TMTC1: variants seen among roughly 807,000 people sequenced by gnomAD.
TMTC1 encodes the protein protein O-mannosyl-transferase TMTC1.
Under a neutral mutation model 104.8 loss-of-function variants are expected in TMTC1, and 73 were observed. The observed-to-expected ratio is 0.70, with a 90% CI of 0.58 to 0.85. TMTC1 has a LOEUF of 0.85. TMTC1 is among the 40% of genes least tolerant of loss of function. TMTC1 has a pLI of 0.00. For missense variants in TMTC1, 1,035 were observed against 1,096.1 expected, an observed-to-expected ratio of 0.94 and a Z score of 0.79; for synonymous variants, 434 against 428.7, an observed-to-expected ratio of 1.01 and a Z score of -0.15.
chr12:29,523,786 T>C (rs936667013), intron 11 of TMTC1, among the ~76,000 whole-genome samples: 4 of 152,018 alleles, frequency 2.6e-5, no homozygotes, highest in Non-Finnish European at 4.4e-5. Context: ...AGAAAGAAAA[T>C]TCGCGTCTAT....
rs143849111 is a variant in TMTC1, at chr12:29,638,622, G to A, written c.939-5286C>T. Among the ~76,000 whole-genome samples the A allele has an allele frequency of 5.9e-4, 90 of 152,256 alleles. 1 individual carries two copies. Among genetic ancestry groups the A allele is most frequent in the African/African-American group, 2.0e-3 (84 of 41,536 alleles). On this transcript the variant is annotated intron_variant, in intron 5 of 17. Coordinates refer to ENST00000539277, the MANE Select transcript of TMTC1 (RefSeq NM_001193451.2). The stretch of plus-strand genomic sequence containing the variant: ...AGACGGCAAAGCTGAAAGAGCACAC[G>A]GTAACACACACCCACTGGTGCTTCA...
chr12:29,744,157 TTACTC>T (rs1942894528), intron 5 of TMTC1, among the ~76,000 whole-genome samples: 1 of 152,190 alleles, frequency 6.6e-6, no homozygotes, highest in African/African-American at 2.4e-5. Context: ...CTAAGCTTGA[TTACTC>T]TACACTGAGA....
chr12:29,584,901 C>A lies in TMTC1; in HGVS notation c.1251-1327G>T, dbSNP rs533686553. ...TGTGAATAGTGCCACAATAAACATA[C>A]GTGTGCATGTGTCTTTATAGCAGCA... On this transcript the variant is annotated intron_variant, in intron 7 of 17. Transcript: ENST00000539277. 4.7e-5 allele frequency among the ~76,000 whole-genome samples: 7 copies of A among 150,462 alleles called. No individual in the cohort carries two copies. In the East Asian group the frequency reaches 1.4e-3, roughly 29 times the overall value.
intron 6 of TMTC1, among the ~76,000 whole-genome samples, chr12:29,629,125 C>T (rs371951282): frequency 4.1e-4 from 63 of 151,922 alleles, no homozygotes; most frequent in African/African-American, 1.4e-3. Context: ...TGAGACCATC[C>T]TGGCTAACAC....
At chr12:29,752,669 T>C (rs925679142) in intron 4 of TMTC1, among the ~76,000 whole-genome samples, 1 of 151,160 alleles carries the variant, frequency 6.6e-6, no homozygotes, top group African/African-American at 2.4e-5. Flanking sequence ...TTAAGATAAA[T>C]GAAATACAGC....
At position 29,651,784 on chromosome 12, in the gene TMTC1, A is replaced by G. The variant is rs112727426; in HGVS notation, c.939-18448T>C. ...GAGATAATTTAGTCTTGGGTGGCCT[A>G]TATAGTCTAGGGCTATGTAAGAAAT... On this transcript the variant is annotated intron_variant, in intron 5 of 17. Transcript: ENST00000539277. Among the ~76,000 whole-genome samples, 1,014 of 152,326 alleles carry G rather than the reference A, an allele frequency of 6.7e-3. 14 individuals carry two copies. The highest frequency in any genetic ancestry group is 0.024 in the African/African-American group (980 of 41,574).
chr12:29,632,803 T>C (rs1399635671), intron 6 of TMTC1, among the ~76,000 whole-genome samples: 1 of 152,228 alleles, frequency 6.6e-6, no homozygotes, highest in African/African-American at 2.4e-5. Flanking sequence ...CAGTCACTCA[T>C]GAAAGTAGAG....
chr12:29,749,279 T>C (rs1253926598), intron 5 of TMTC1, among the ~76,000 whole-genome samples: 3 of 152,128 alleles, frequency 2.0e-5, no homozygotes, highest in Non-Finnish European at 4.4e-5. Flanking sequence ...TTCCTCCCAC[T>C]AACAACCTTT....
chr12:29,707,468 G>A (rs953575429), intron 5 of TMTC1, among the ~76,000 whole-genome samples: 2 of 151,974 alleles, frequency 1.3e-5, no homozygotes, highest in East Asian at 1.9e-4. Context: ...CAGGCATCGC[G>A]TCCTCTACTA....
chr12:29,668,077 A>G (rs1940352428), intron 5 of TMTC1, among the ~76,000 whole-genome samples: 1 of 152,254 alleles, frequency 6.6e-6, no homozygotes, highest in Non-Finnish European at 1.5e-5. Context: ...TTTCCAACAC[A>G]GATCATTGTT....
intron 11 of TMTC1, among the ~76,000 whole-genome samples, chr12:29,530,500 G>T (rs929713846): frequency 6.6e-6 from 1 of 152,134 alleles, no homozygotes; most frequent in South Asian, 2.1e-4. Context: ...GCATTTAAAC[G>T]TTGTGTCTCC....
intron 5 of TMTC1, among the ~76,000 whole-genome samples, chr12:29,750,527 A>G (rs1403586280): frequency 2.0e-5 from 3 of 152,212 alleles, no homozygotes; most frequent in South Asian, 2.1e-4. Context: ...CCCTCAACAG[A>G]TATTTATTGA....
chr12:29,677,574 A>C (rs1264604236), intron 5 of TMTC1, among the ~76,000 whole-genome samples: 1 of 152,252 alleles, frequency 6.6e-6, no homozygotes, highest in Non-Finnish European at 1.5e-5. Context: ...TGCCGTCCAA[A>C]AATAGGAAAT....
chr12:29,644,258 G>A (rs769744879), intron 5 of TMTC1, among the ~76,000 whole-genome samples: 5 of 150,068 alleles, frequency 3.3e-5, no homozygotes, highest in African/African-American at 9.8e-5. Context: ...GAAGTAACTC[G>A]GGAATGGAAA....
At chr12:29,589,727 G>A (rs1946230075) in intron 7 of TMTC1, among the ~76,000 whole-genome samples, 1 of 152,216 alleles carries the variant, frequency 6.6e-6, no homozygotes, top group South Asian at 2.1e-4. Flanking sequence ...ACATTTAGCT[G>A]CAATATATGT....
chr12:29,633,931 G>T (rs1450863070), intron 5 of TMTC1, among the ~76,000 whole-genome samples: 2 of 152,098 alleles, frequency 1.3e-5, no homozygotes, highest in Non-Finnish European at 2.9e-5. Flanking sequence ...CATTCTAGTT[G>T]TTCCCCTCAC....
chr12:29,612,331 C>T (rs1452923859), intron 6 of TMTC1, among the ~76,000 whole-genome samples: 1 of 152,160 alleles, frequency 6.6e-6, no homozygotes, highest in Non-Finnish European at 1.5e-5. Flanking sequence ...GGATCTATGG[C>T]ACACAACACA....
chr12:29,648,512 A>T (rs1369032719), intron 5 of TMTC1, among the ~76,000 whole-genome samples: 4 of 152,182 alleles, frequency 2.6e-5, no homozygotes, highest in Non-Finnish European at 5.9e-5. Context: ...TGAGCAAAAC[A>T]CAACACAGCA....
At chr12:29,552,017 G>A (rs552403533) in intron 10 of TMTC1, among the ~76,000 whole-genome samples, 3 of 152,238 alleles carry the variant, frequency 2.0e-5, no homozygotes, top group African/African-American at 4.8e-5. Flanking sequence ...GTCTGAAGCC[G>A]TCTGTCATAT....
Sources: gnomAD v4.1 joint callset for allele counts (sites outside exome capture counted in the v4.1 genomes callset) on GRCh38, gnomAD v4.1.1 for gene constraint, MANE v1.5 for transcripts, NCBI Gene and HGNC (gene_info 2026-07-23, HGNC 2026-07-21) for gene names.